Variants in CACNA1F observed in about 807,000 individuals in gnomAD.
The protein encoded by CACNA1F is voltage-dependent L-type calcium channel subunit alpha-1F.
Under a neutral mutation model 143.8 loss-of-function variants are expected in CACNA1F, and 59 were observed. The observed-to-expected ratio is 0.41, with a 90% CI of 0.33 to 0.51. CACNA1F has a LOEUF of 0.51. Ranked by LOEUF, CACNA1F falls within the 20% of genes least tolerant of loss-of-function variation. CACNA1F has a pLI of 0.22. For synonymous variants in CACNA1F, 643 were observed against 649.1 expected (o/e 0.99, Z 0.14); for missense variants, 1,411 against 1,647.5 (o/e 0.86, Z 2.48).
intron 14 of CACNA1F, among the ~76,000 whole-genome samples, chrX:49,223,922 C>G (rs1557109333): frequency 9.1e-6 from 1 of 109,459 alleles, no homozygotes; most frequent in South Asian, 3.9e-4. Context: ...TTAGTAGAGA[C>G]GGGGTTTCAC....
chrX:49,225,987 G>A lies in CACNA1F; in HGVS notation c.1573C>T (p.Leu525=). 1 of 1,177,065 alleles carries A rather than the reference G, an allele frequency of 8.5e-7. No homozygotes were observed. The highest frequency in any genetic ancestry group is 1.1e-6 in the Non-Finnish European group (1 of 877,638). Residue 525 remains leucine (L), a synonymous_variant, in exon 13 of 48, where the codon CTG becomes TTG. Transcript: ENST00000323022. ...AACGTGTTGAGGAAGACGAGCAACA[G>A]CACAGCCCAGTAGCAGGCATTGGAC... The part of the protein sequence containing the change: ...VKSNACYWAV[L]LLVFLNTLTI...
chrX:49,215,523 T>C lies in CACNA1F; in HGVS notation c.3257A>G (p.Asp1086Gly), dbSNP rs1569528069. 4 of 1,133,067 alleles carry C rather than the reference T, an allele frequency of 3.5e-6. No homozygotes were observed. The highest frequency in any genetic ancestry group is 4.7e-6 in the Non-Finnish European group (4 of 846,342). 93.4% of individuals were successfully genotyped at this position (1,133,067 alleles called of 1,213,427 possible). A position where few individuals can be genotyped will look rare whatever the true frequency, so the allele number is the denominator to read the frequency against. The part of the protein sequence containing the change: ...GWPALLYKAI[D>G]AYAEDHGPIY... ...GGGGCCGTGGTCCTCTGCATATGCATCGATGGCCTTGTATAGCAGTCTGTG... is the reference window on the plus strand; with the variant it reads ...GGGGCCGTGGTCCTCTGCATATGCACCGATGGCCTTGTATAGCAGTCTGTG... The change falls in exon 28 of 48, where the codon GAT (aspartate) becomes GGT (glycine). Residue 1086 changes from aspartate to glycine, a missense_variant. Physicochemically the swap from Asp to Gly is moderately conservative, Grantham distance 94. Coordinates refer to ENST00000323022, the MANE Select transcript of CACNA1F (RefSeq NM_001256789.3).
chrX:49,210,367 C>T lies in CACNA1F; in HGVS notation c.4522G>A (p.Gly1508Arg). ...AGTGTGGCGTTGAATGTCACCGTCC[C>T]ATCTGAGTTGAGGGGCATGTTCATT... ...VAMNMPLNSD[G>R]TVTFNATLFA... is the part of the protein sequence containing the mutation. Residue 1508 changes from glycine (G) to arginine (R), a missense_variant, in exon 39 of 48, where the codon GGG becomes AGG. Gly to Arg is a moderately radical substitution (Grantham distance 125, BLOSUM62 -2). Around this residue, in one of 3 missense-constraint regions of CACNA1F, gnomAD observed 112 missense variants for 169.2 expected, o/e 0.66. Transcript: ENST00000323022. 2.5e-6 allele frequency: 3 copies of T among 1,208,191 alleles called. No homozygotes were observed. Among genetic ancestry groups the T allele is most frequent in the Non-Finnish European group, 3.4e-6 (3 of 892,183 alleles).
chrX:49,205,633 C>T lies in CACNA1F; in HGVS notation c.5653G>A (p.Asp1885Asn), dbSNP rs370332593. The T allele has an allele frequency of 8.3e-6, 10 of 1,201,884 alleles. No homozygotes were observed. Among genetic ancestry groups the T allele is most frequent in the Middle Eastern group, 2.4e-4 (1 of 4,176 alleles). ...GGACTCACAGCCTCCACCAAGCTGTCGGCACTGCCCCTCTTCCCATGGCTG... is the reference window on the plus strand; with the variant it reads ...GGACTCACAGCCTCCACCAAGCTGTTGGCACTGCCCCTCTTCCCATGGCTG... ...DPSHGKRGSA[D>N]SLVEAVLISE... The change falls in exon 47 of 48, where the codon GAC becomes AAC. Residue 1885 changes from aspartate to asparagine, a missense_variant. This residue lies in a region of CACNA1F where 349 missense variants were observed against 350.2 expected (regional missense o/e 1.00). Transcript: ENST00000323022.
At chrX:49,216,658 T>C (rs1344903087) in intron 26 of CACNA1F, 130 bp from the exon 27 acceptor site, 2 of 577,230 alleles carry the variant, frequency 3.5e-6, no homozygotes, top group Non-Finnish European at 5.5e-6. Context: ...ATCCTGTCCC[T>C]CCATGTCCTG....
intron 31 of CACNA1F, among the ~76,000 whole-genome samples, chrX:49,213,283 C>T (rs782389628): frequency 6.3e-5 from 7 of 110,984 alleles, no homozygotes; most frequent in Admixed American, 2.9e-4. Context: ...ATGAGAGAAC[C>T]GATGGAGAAG....
chrX:49,228,533 G>A, intron 6 of CACNA1F, 86 bp from the exon 7 acceptor site: 2 of 712,137 alleles, frequency 2.8e-6, no homozygotes, highest in Non-Finnish European at 4.3e-6. Context: ...TAGGAAGCTC[G>A]ACTTGGGTCC....
rs112558231 is a variant in CACNA1F at position 49,212,553 on chromosome X, T to C, written c.3942+114A>G. 7.5e-4 allele frequency: 625 copies of C among 836,706 alleles called. 4 individuals carry two copies. The African/African-American group carries it at 0.011, about 15-fold the overall frequency. The allele number at this position is 836,706 out of a possible 1,213,427, so 69.0% of individuals were successfully genotyped here. On this transcript the variant is annotated intron_variant, in intron 33 of 47. Coordinates refer to ENST00000323022, the MANE Select transcript of CACNA1F (RefSeq NM_001256789.3). Reference sequence around the variant, plus strand: ...AAAAAAGAGAAAATTGGAATAATAATTTGGAAATGGGTATGGCATGTTGGG... The same window carrying C: ...AAAAAAGAGAAAATTGGAATAATAACTTGGAAATGGGTATGGCATGTTGGG...
rs2065843670 is a variant in CACNA1F, at chrX:49,228,251, C to T, written c.1014G>A (p.Trp338Ter). 8.3e-7 allele frequency: 1 copy of T among 1,208,597 alleles called. No homozygotes were observed. The highest frequency in any genetic ancestry group is 2.2e-5 in the Admixed American group (1 of 45,907). The change falls in exon 7 of 48, where the codon TGG (tryptophan) becomes TGA (stop). Residue 338 changes from tryptophan (W) to a stop codon, truncating the protein, a stop_gained and splice_region_variant. Transcript: ENST00000323022. LOFTEE classifies it high-confidence loss of function. ...TMEGWTDVLY[W>*]MQDAMGYELP... ...GCTCTGTGCCCACAGTCCACCTCAC[C>T]CAGTAGAGCACATCGGTCCAGCCTT... is the stretch of plus-strand genomic sequence containing the variant.
At chrX:49,210,085 C>A (rs2065641212) in intron 39 of CACNA1F, 43 bp from the exon 40 acceptor site, 1 of 953,343 alleles carries the variant, frequency 1.0e-6, no homozygotes, top group Non-Finnish European at 1.5e-6. Context: ...ATAGGAAGAA[C>A]CTCCACAGCT....
In CACNA1F at chrX:49,221,045, T is replaced by A. The variant is rs782326395; in HGVS notation, c.2324A>T (p.Asn775Ile). Residue 775 changes from asparagine to isoleucine, a missense_variant, in exon 18 of 48, where the codon AAT becomes ATT. Physicochemically the swap from Asn to Ile is moderately radical, Grantham distance 149 (BLOSUM62 -3). This residue lies in a region of CACNA1F where 950 missense variants were observed against 1,128.1 expected (regional missense o/e 0.84). Coordinates refer to ENST00000323022, the MANE Select transcript of CACNA1F (RefSeq NM_001256789.3). ...KSNEKDLPQE[N>I]EGLVPGVEKE... ...AGGCATCTAACTCACCAGGCCTTCA[T>A]TCTCCTGTGGGAGATCCTTCTCATT... is the stretch of plus-strand genomic sequence containing the variant. The A allele has an allele frequency of 1.7e-6, 2 of 1,207,747 alleles. No individual in the cohort carries two copies.
intron 17 of CACNA1F, 37 bp downstream of exon 17, chrX:49,222,485 A>G (rs1557108910): frequency 8.8e-7 from 1 of 1,140,615 alleles, no homozygotes; most frequent in Non-Finnish European, 1.2e-6. Flanking sequence ...CAGGGATCCC[A>G]GAGAGAGACT....
At position 49,214,237 on chromosome X, in the gene CACNA1F, G is replaced by A. The variant is rs1557106914; in HGVS notation, c.3630C>T (p.Ala1210=). 2 of 1,197,201 alleles carry A rather than the reference G, an allele frequency of 1.7e-6. No homozygotes were observed. The highest frequency in any genetic ancestry group is 2.3e-6 in the Non-Finnish European group (2 of 881,958). Residue 1210 remains alanine (A), a synonymous_variant, in exon 30 of 48, where the codon GCC becomes GCT. Transcript: ENST00000323022. ...HYEQTAPFNY[A]MDILNMVFTG... The stretch of plus-strand genomic sequence containing the variant: ...TGAAGACCATGTTGAGGATGTCCAT[G>A]GCATAGTTGAAGGGAGCAGTCTGCT...
chrX:49,223,325 G>T (rs1033965907), intron 14 of CACNA1F, among the ~76,000 whole-genome samples, 189 bp from the exon 15 acceptor site: 2 of 109,749 alleles, frequency 1.8e-5, no homozygotes, highest in African/African-American at 6.6e-5. Context: ...GGGGAAGCTG[G>T]GCCCTGTGGT....
At position 49,208,612 on chromosome X, in the gene CACNA1F, G is replaced by T; in HGVS notation, c.5026C>A (p.Leu1676Ile). The T allele has an allele frequency of 1.7e-6, 2 of 1,210,512 alleles. No homozygotes were observed. The highest frequency in any genetic ancestry group is 2.2e-5 in the Admixed American group (1 of 45,977). Residue 1676 changes from leucine (L) to isoleucine (I), a missense_variant, in exon 43 of 48, where the codon CTT becomes ATT. Physicochemically the swap from Leu to Ile is conservative, Grantham distance 5. Transcript: ENST00000323022. Reference sequence around the variant, plus strand: ...GGCCCAAAGGAGAGTGAATCTGGAAGTCTGTCCCCGACAGGCAGAGACACA... The same window carrying T: ...GGCCCAAAGGAGAGTGAATCTGGAATTCTGTCCCCGACAGGCAGAGACACA... ...ISVSLPVGDR[L>I]PDSLSFGPSD...
In CACNA1F at chrX:49,212,755, C is replaced by T. The variant is rs782737751; in HGVS notation, c.3854G>A (p.Arg1285His). Residue 1285 changes from arginine to histidine, a missense_variant, in exon 33 of 48, where the codon CGC (arginine) becomes CAC (histidine). Coordinates refer to ENST00000323022, the MANE Select transcript of CACNA1F (RefSeq NM_001256789.3). ...DSSRISITFF[R>H]LFRVMRLVKL... ...GACCAGCCGCATAACTCGGAAGAGG[C>T]GAAAGAAGGTAATGGAAATGCGGGA... 13 of 1,207,363 alleles carry T rather than the reference C, an allele frequency of 1.1e-5. No individual in the cohort carries two copies. The highest frequency in any genetic ancestry group is 5.3e-5 in the South Asian group (3 of 56,426).
intron 14 of CACNA1F, among the ~76,000 whole-genome samples, chrX:49,223,595 C>CAAAAAAAAA (rs58022930): frequency 8.4e-5 from 2 of 23,680 alleles, no homozygotes; most frequent in African/African-American, 2.3e-4. Context: ...GACTCTGTCT[C>CAAAAAAAAA]AAAAAAAAAA....
rs370329845 is a variant in CACNA1F, at chrX:49,216,382, G to A, written c.3236C>T (p.Ala1079Val). Residue 1079 changes from alanine to valine, a missense_variant and splice_region_variant, in exon 27 of 48, where the codon GCA becomes GTA. Transcript: ENST00000323022. ...FTVSTFEGWPALLYKAIDAYA... is the reference protein window; with the variant it reads ...FTVSTFEGWPVLLYKAIDAYA... Reference sequence around the variant, plus strand: ...ATAAACCCAGGGCCCTGTCCCTCACGCAGGCCAGCCTTCAAAGGTGGAGAC... The same window carrying A: ...ATAAACCCAGGGCCCTGTCCCTCACACAGGCCAGCCTTCAAAGGTGGAGAC... The A allele has an allele frequency of 4.5e-5, 54 of 1,208,793 alleles. No homozygotes were observed. Among genetic ancestry groups the A allele is most frequent in the East Asian group, 2.7e-4 (9 of 33,765 alleles).
intron 43 of CACNA1F, 96 bp downstream of exon 43, chrX:49,208,419 T>TCCCCCCCCCCCCCC: frequency 6.3e-5 from 11 of 175,990 alleles, no homozygotes; most frequent in Admixed American, 1.2e-4. Context: ...AGGCCCTCCC[T>TCCCCCCCCCCCCCC]CCCACCCCCC....
Sources: allele counts gnomAD v4.1 joint callset (sites outside exome capture counted in the v4.1 genomes callset), GRCh38; gene constraint gnomAD v4.1.1; regional missense constraint gnomAD v4.1.1; transcripts MANE v1.5; gene names NCBI Gene and HGNC (gene_info 2026-07-23, HGNC 2026-07-21).